The following PPP2R2C variants were observed in gnomAD, a reference collection of about 807,000 sequenced individuals.
PPP2R2C encodes the protein protein phosphatase 2 regulatory subunit Bgamma.
PPP2R2C carries 10 observed loss-of-function variants against 45.3 expected under a neutral mutation model. That is an observed-to-expected ratio of 0.22 (90% confidence interval 0.14 to 0.37). PPP2R2C has a LOEUF of 0.37. Among genes scored for constraint, PPP2R2C ranks in the 10% least tolerant of loss-of-function variants. The pLI is 1.00. For synonymous variants in PPP2R2C, 257 were observed against 245.4 expected, an observed-to-expected ratio of 1.05 and a Z score of -0.44; for missense variants, 308 against 619.7, an observed-to-expected ratio of 0.50 and a Z score of 5.34.
In PPP2R2C at chr4:6,383,459, C is replaced by T. The variant is rs776081512; in HGVS notation, c.71-2365G>A. On this transcript the variant is annotated intron_variant, in intron 1 of 8. Transcript: ENST00000382599. Reference sequence around the variant, plus strand: ...CACCTGCTTATTCCCCTCCAAACACCAGGCTCCTTGCCCTTTCCCAAAAGT... The same window carrying T: ...CACCTGCTTATTCCCCTCCAAACACTAGGCTCCTTGCCCTTTCCCAAAAGT... The T allele has an allele frequency of 1.2e-5, 16 of 1,284,916 alleles. No individual in the cohort carries two copies. The East Asian group carries it at 1.7e-4, about 13-fold the overall frequency. The allele number at this position is 1,284,916 out of a possible 1,614,324, so 79.6% of individuals were successfully genotyped here.
In PPP2R2C at chr4:6,372,565, G is replaced by A. The variant is rs747980900; in HGVS notation, c.583C>T (p.Arg195Cys). The A allele has an allele frequency of 2.5e-6, 4 of 1,614,066 alleles. No homozygotes were observed. Among genetic ancestry groups the A allele is most frequent in the African/African-American group, 1.3e-5 (1 of 74,930 alleles). Residue 195 changes from arginine (R) to cysteine (C), a missense_variant, in exon 5 of 9, where the codon CGC (arginine) becomes TGC (cysteine). Coordinates refer to ENST00000382599, the MANE Select transcript of PPP2R2C (RefSeq NM_020416.4). ...ATGGCCAGGTGCCAGAGGTTGATGC[G>A]CAGGTCATCCGCCGACATGTAGGTC... ...CETYMSADDL[R>C]INLWHLAITD...
chr4:6,557,814 G>A (rs1187205616), intron 1 of PPP2R2C, among the ~76,000 whole-genome samples: 1 of 152,172 alleles, frequency 6.6e-6, no homozygotes, highest in Non-Finnish European at 1.5e-5. Flanking sequence ...AGCTACTGCA[G>A]AATATTCCCC....
chr4:6,461,057 G>A (rs776930131), intron 1 of PPP2R2C, among the ~76,000 whole-genome samples: 12 of 151,970 alleles, frequency 7.9e-5, no homozygotes, highest in Non-Finnish European at 1.6e-4. Flanking sequence ...TGCTGCAGCC[G>A]AAGCCCGGAA....
At chr4:6,403,533 G>A (rs1178923349) in intron 1 of PPP2R2C, among the ~76,000 whole-genome samples, 1 of 152,190 alleles carries the variant, frequency 6.6e-6, no homozygotes, top group Non-Finnish European at 1.5e-5. Context: ...CCTCCCCTGG[G>A]AGCACGCTGG....
intron 2 of PPP2R2C, among the ~76,000 whole-genome samples, chr4:6,485,958 A>C (rs1015057306): frequency 2.0e-5 from 3 of 151,644 alleles, no homozygotes; most frequent in Admixed American, 1.3e-4. Flanking sequence ...TTCTTTTCCT[A>C]GTTTCTTAAG....
chr4:6,525,568 C>T (rs1724171517), intron 2 of PPP2R2C, among the ~76,000 whole-genome samples: 1 of 152,206 alleles, frequency 6.6e-6, no homozygotes, highest in Non-Finnish European at 1.5e-5. Flanking sequence ...ATACCCCCTC[C>T]TTCGCTAAAT....
chr4:6,382,303 C>G (rs1715858968), intron 1 of PPP2R2C: 7 of 1,281,446 alleles, frequency 5.5e-6, no homozygotes, highest in African/African-American at 1.5e-5. Flanking sequence ...ATTCTGTAGT[C>G]TCCAAAATCT....
intron 1 of PPP2R2C, among the ~76,000 whole-genome samples, chr4:6,441,831 T>C (rs1370766270): frequency 6.6e-6 from 1 of 152,204 alleles, no homozygotes; most frequent in African/African-American, 2.4e-5. Context: ...CACTGACCCT[T>C]GAGTCTCAGT....
At chr4:6,401,151 A>G (rs1363326309) in intron 1 of PPP2R2C, among the ~76,000 whole-genome samples, 1 of 152,202 alleles carries the variant, frequency 6.6e-6, no homozygotes, top group Non-Finnish European at 1.5e-5. Flanking sequence ...CATTTTAATC[A>G]TTAATCTTCT....
chr4:6,389,003 G>C lies in PPP2R2C; in HGVS notation c.71-7909C>G, dbSNP rs1046595028. Among the ~76,000 whole-genome samples the C allele has an allele frequency of 1.6e-4, 25 of 151,972 alleles. 1 individual carries two copies. The highest frequency in any genetic ancestry group is 4.6e-4 in the African/African-American group (19 of 41,428). The stretch of plus-strand genomic sequence containing the variant: ...GCTTTCTTCTCCACGTGCCACCTGG[G>C]GGAGACATCGCCCTTGGATCTTACA... On this transcript the variant is annotated intron_variant, in intron 1 of 8. Transcript: ENST00000382599.
chr4:6,536,882 G>C (rs1285592012), intron 1 of PPP2R2C, among the ~76,000 whole-genome samples: 4 of 152,190 alleles, frequency 2.6e-5, no homozygotes, highest in African/African-American at 9.6e-5. Context: ...AACAGGATGA[G>C]GCATTTCTAT....
intron 2 of PPP2R2C, among the ~76,000 whole-genome samples, chr4:6,534,534 TACAC>T: frequency 6.7e-6 from 1 of 148,402 alleles, no homozygotes; most frequent in East Asian, 2.0e-4. Flanking sequence ...AACACATCAA[TACAC>T]ACACCCCAAC....
rs542336837 is a variant in PPP2R2C, at chr4:6,338,726, C to T, written c.791-4995G>A. Among the ~76,000 whole-genome samples, 34 of 152,256 alleles carry T rather than the reference C, an allele frequency of 2.2e-4. 1 individual carries two copies. Among genetic ancestry groups the T allele is most frequent in the South Asian group, 1.0e-3 (5 of 4,824 alleles). Reference sequence around the variant, plus strand: ...ACACTCCAGCCCCCTTCCTGCTGGGCCCCTAGGGCACTGCATCCACTCAAA... The same window carrying T: ...ACACTCCAGCCCCCTTCCTGCTGGGTCCCTAGGGCACTGCATCCACTCAAA... On this transcript the variant is annotated intron_variant, in intron 6 of 8. Transcript: ENST00000382599.
At chr4:6,335,522 C>T (rs894196866) in intron 6 of PPP2R2C, among the ~76,000 whole-genome samples, 1 of 151,988 alleles carries the variant, frequency 6.6e-6, no homozygotes, top group African/African-American at 2.4e-5. Context: ...TCATGGGCCA[C>T]GGAGAGGGGT....
At chr4:6,475,644 C>A (rs756956306), upstream of PPP2R2C, among the ~76,000 whole-genome samples, 2 of 152,196 alleles carry the variant, frequency 1.3e-5, no homozygotes, top group Non-Finnish European at 2.9e-5. Context: ...GTGGACCATG[C>A]GCCTCCCTTT....
intron 2 of PPP2R2C, among the ~76,000 whole-genome samples, chr4:6,498,398 G>A (rs1486288335): frequency 2.0e-5 from 3 of 152,214 alleles, no homozygotes; most frequent in African/African-American, 7.2e-5. Context: ...TCAATGCTAA[G>A]CACGGATCCA....
intron 5 of PPP2R2C, among the ~76,000 whole-genome samples, chr4:6,351,562 G>A (rs906492451): frequency 2.6e-5 from 4 of 152,164 alleles, no homozygotes; most frequent in Non-Finnish European, 4.4e-5. Context: ...AGCCATCACA[G>A]GGGAATCTCT....
intron 1 of PPP2R2C, among the ~76,000 whole-genome samples, chr4:6,414,759 G>A (rs894008235): frequency 2.0e-5 from 3 of 152,084 alleles, no homozygotes; most frequent in Non-Finnish European, 2.9e-5. Flanking sequence ...AGAGCCCAAT[G>A]GGAATCACTA....
chr4:6,374,223 C>T (rs889844203), intron 4 of PPP2R2C, among the ~76,000 whole-genome samples: 1 of 152,144 alleles, frequency 6.6e-6, no homozygotes, highest in African/African-American at 2.4e-5. Flanking sequence ...CTTGGCATCT[C>T]AGTCCACCTC....
Sources: gnomAD v4.1 joint callset for allele counts (sites outside exome capture counted in the v4.1 genomes callset) on GRCh38, gnomAD v4.1.1 for gene constraint, MANE v1.5 for transcripts, NCBI Gene and HGNC (gene_info 2026-07-23, HGNC 2026-07-21) for gene names.